The following CABP1 variants were observed in gnomAD, a reference collection of about 807,000 sequenced individuals.
CABP1 encodes calcium-binding protein 1.
CABP1 carries 17 observed loss-of-function variants against 34.3 expected under a neutral mutation model. The ratio of observed to expected loss-of-function variants is 0.50; its 90% CI spans 0.34 to 0.74. CABP1 has a LOEUF of 0.74. CABP1 is among the 30% of genes least tolerant of loss of function. CABP1 has a pLI of 0.01. For synonymous variants in CABP1, 198 were observed against 229.2 expected (o/e 0.86, Z 1.23); for missense variants, 373 against 511.1 (o/e 0.73, Z 2.61).
chr12:120,654,686 AGAGTGCAGGCCGAAGG>A (rs1880060304), intron 1 of CABP1, among the ~76,000 whole-genome samples: 3 of 151,430 alleles, frequency 2.0e-5, no homozygotes, highest in Admixed American at 2.0e-4. Flanking sequence ...GGCCGAAGGC[AGAGTGCAGGCCGAAGG>A]CAGAGTGCAG....
At position 120,641,268 on chromosome 12, in the gene CABP1, C is replaced by G; in HGVS notation, c.583C>G (p.Pro195Ala). ...LRARGRGDSVPAAASEADPFL... is the reference protein window; with the variant it reads ...LRARGRGDSVAAAASEADPFL... ...AGCCCGGGGCCGCGGGGACTCCGTT[C>G]CAGCCGCCGCGTCCGAGGCGGACCC... Residue 195 changes from proline to alanine, a missense_variant, in exon 1 of 6, where the codon CCA becomes GCA. This residue lies in a region of CABP1 where 121 missense variants were observed against 125.5 expected (regional missense o/e 0.96). Coordinates refer to ENST00000316803, the MANE Select transcript of CABP1 (RefSeq NM_001033677.2). The surrounding 1 kb of genome is among the most constrained non-coding windows in gnomAD (Gnocchi z 6.7). 7.7e-7 allele frequency: 1 copy of G among 1,304,924 alleles called. No individual in the cohort carries two copies. Among genetic ancestry groups the G allele is most frequent in the Non-Finnish European group, 9.7e-7 (1 of 1,029,326 alleles). The allele number at this position is 1,304,924 out of a possible 1,614,324, so 80.8% of individuals were successfully genotyped here. A position where few individuals can be genotyped will look rare whatever the true frequency, so the allele number is the denominator to read the frequency against.
In CABP1 at chr12:120,640,655, C is replaced by T; in HGVS notation, c.-31C>T. ...CTGCACCGCCAGCCGCCGGGAGCTCCGGGCTCCGGGCGTAGAGGCTGCGCT... is the reference window on the plus strand; with the variant it reads ...CTGCACCGCCAGCCGCCGGGAGCTCTGGGCTCCGGGCGTAGAGGCTGCGCT... On this transcript the variant is annotated 5_prime_UTR_variant, in exon 1 of 6. Coordinates refer to ENST00000316803, the MANE Select transcript of CABP1 (RefSeq NM_001033677.2). This position sits in a 1 kb window ranked among gnomAD's most constrained non-coding sequence, Gnocchi z 6.2. The T allele has an allele frequency of 9.4e-7, 1 of 1,063,238 alleles. No individual in the cohort carries two copies. Among genetic ancestry groups the T allele is most frequent in the Non-Finnish European group, 1.1e-6 (1 of 881,728 alleles). The allele number at this position is 1,063,238 out of a possible 1,614,324, so 65.9% of individuals were successfully genotyped here.
intron 1 of CABP1, among the ~76,000 whole-genome samples, chr12:120,651,645 G>T (rs1246427448): frequency 6.6e-6 from 1 of 152,120 alleles, no homozygotes; most frequent in Non-Finnish European, 1.5e-5. Flanking sequence ...GTGAGCTATT[G>T]GCGTCTGTAT....
At chr12:120,679,282 A>G in the CABP1 span, among the ~76,000 whole-genome samples, 3 of 152,182 alleles carry the variant, frequency 2.0e-5, no homozygotes, top group African/African-American at 7.2e-5. Context: ...TTTGCTACAT[A>G]GCCAGGCTCA....
In CABP1 at chr12:120,641,111, C is replaced by A; in HGVS notation, c.426C>A (p.His142Gln). Residue 142 changes from histidine to glutamine, a missense_variant, in exon 1 of 6, where the codon CAC (histidine) becomes CAA (glutamine). Transcript: ENST00000316803. The surrounding 1 kb of genome is among the most constrained non-coding windows in gnomAD (Gnocchi z 6.7). ...RGSQRVLPQAHCRPREALPAA... is the reference protein window; with the variant it reads ...RGSQRVLPQAQCRPREALPAA... The stretch of plus-strand genomic sequence containing the variant: ...GCCAGCGTGTGCTCCCCCAGGCGCA[C>A]TGCAGGCCCCGGGAGGCGCTGCCGG... 8.2e-7 allele frequency: 1 copy of A among 1,222,924 alleles called. No individual in the cohort carries two copies. Among genetic ancestry groups the A allele is most frequent in the Non-Finnish European group, 1.0e-6 (1 of 983,724 alleles). The allele number at this position is 1,222,924 out of a possible 1,614,324, so 75.8% of individuals were successfully genotyped here.
downstream of CABP1, among the ~76,000 whole-genome samples, chr12:120,669,679 G>A (rs1000059539): frequency 2.0e-5 from 3 of 151,958 alleles, no homozygotes; most frequent in Non-Finnish European, 2.9e-5. Context: ...GCTTGAACAC[G>A]AGAGGCGGAG....
At chr12:120,672,013 A>G (rs1881265951), downstream of CABP1, among the ~76,000 whole-genome samples, 1 of 152,122 alleles carries the variant, frequency 6.6e-6, no homozygotes. Flanking sequence ...GTCTGCAGTG[A>G]GCTATGATCA....
intron 1 of CABP1, among the ~76,000 whole-genome samples, chr12:120,648,277 TA>T (rs1183885219): frequency 1.3e-5 from 2 of 152,216 alleles, no homozygotes; most frequent in African/African-American, 4.8e-5. Context: ...TCATAGCATT[TA>T]TCTGAAATGT....
Position 120,660,690 on chromosome 12 carries a change from G to A in CABP1, c.830-41G>A. On this transcript the variant is annotated intron_variant, in intron 3 of 5. Transcript: ENST00000316803. This position sits in a 1 kb window ranked among gnomAD's most constrained non-coding sequence, Gnocchi z 5.0. ...AGTTGTCTAGTTGGAGACAGGGAATGGGTATGTCGGGGATGACCTAGCCCT... is the reference window on the plus strand; with the variant it reads ...AGTTGTCTAGTTGGAGACAGGGAATAGGTATGTCGGGGATGACCTAGCCCT... 2 of 1,332,398 alleles carry A rather than the reference G, an allele frequency of 1.5e-6. No individual in the cohort carries two copies. The highest frequency in any genetic ancestry group is 2.2e-6 in the Non-Finnish European group (2 of 923,438). The allele number at this position is 1,332,398 out of a possible 1,614,324, so 82.5% of individuals were successfully genotyped here.
rs952739976 is a variant in CABP1 at position 120,664,891 on chromosome 12, AAG to A, written c.1088-1970_1088-1969del. On this transcript the variant is annotated intron_variant, in intron 5 of 5. Coordinates refer to ENST00000316803, the MANE Select transcript of CABP1 (RefSeq NM_001033677.2). ...CTCTGTCTCAAAAAGAAAAAAAAAA[AAG>A]AGAGAGAGAGAGATGAGCTATCTAG... 2.6e-5 allele frequency among the ~76,000 whole-genome samples: 4 copies of A among 151,326 alleles called. No individual in the cohort carries two copies. In the South Asian group the frequency reaches 8.4e-4, roughly 32 times the overall value.
At chr12:120,655,749 A>C in intron 1 of CABP1, 3 of 1,468,910 alleles carry the variant, frequency 2.0e-6, no homozygotes, top group Non-Finnish European at 2.7e-6. Context: ...ATTGGTGAGA[A>C]TAGAAGCCCC....
At chr12:120,675,647 T>C in the CABP1 span, among the ~76,000 whole-genome samples, 1 of 152,262 alleles carries the variant, frequency 6.6e-6, no homozygotes, top group South Asian at 2.1e-4. Context: ...ATATTTATTG[T>C]ACGACAATAT....
chr12:120,666,017 CAA>C (rs576836817), intron 5 of CABP1, among the ~76,000 whole-genome samples: 18 of 91,944 alleles, frequency 2.0e-4, no homozygotes, highest in African/African-American at 1.2e-4. Flanking sequence ...GACTCTGTCT[CAA>C]AAAAAAAAAA....
chr12:120,653,391 G>T (rs1420134245), intron 1 of CABP1, among the ~76,000 whole-genome samples: 5 of 152,242 alleles, frequency 3.3e-5, no homozygotes, highest in African/African-American at 1.2e-4. Context: ...GGAGAAGGAA[G>T]CTGGAGCACA....
intron 1 of CABP1, among the ~76,000 whole-genome samples, chr12:120,652,772 C>G (rs1879928494): frequency 6.6e-6 from 1 of 152,114 alleles, no homozygotes; most frequent in African/African-American, 2.4e-5. Flanking sequence ...TGTGCATACT[C>G]TTGGCCAGCT....
chr12:120,641,432 G>C lies in CABP1; in HGVS notation c.654+93G>C. ...CGTCCACAGCCTCCTCCCGCGGCCC[G>C]TGGTCCCCCACGGATCACGCCTCGG... is the stretch of plus-strand genomic sequence containing the variant. On this transcript the variant is annotated intron_variant, in intron 1 of 5. Transcript: ENST00000316803. The surrounding 1 kb of genome is among the most constrained non-coding windows in gnomAD (Gnocchi z 6.7). The C allele has an allele frequency of 8.3e-7, 1 of 1,207,294 alleles. No individual in the cohort carries two copies. The highest frequency in any genetic ancestry group is 4.3e-5 in the Admixed American group (1 of 23,516). The allele number at this position is 1,207,294 out of a possible 1,614,324, so 74.8% of individuals were successfully genotyped here.
At chr12:120,650,409 A>G in intron 1 of CABP1, 4 of 1,253,660 alleles carry the variant, frequency 3.2e-6, no homozygotes, top group Non-Finnish European at 4.2e-6. Flanking sequence ...TTAAACCCAC[A>G]CACAAACACA....
At position 120,641,899 on chromosome 12, in the gene CABP1, G is replaced by A. The variant is rs1879349297; in HGVS notation, c.654+560G>A. 6.6e-6 allele frequency among the ~76,000 whole-genome samples: 1 copy of A among 152,148 alleles called. No homozygotes were observed. The highest frequency in any genetic ancestry group is 6.5e-5 in the Admixed American group (1 of 15,274). ...GAGAAGAGGTGTCTGGGTAGGCATG[G>A]AGGGGCATGCAGAGCTGTGGCTCAA... On this transcript the variant is annotated intron_variant, in intron 1 of 5. Coordinates refer to ENST00000316803, the MANE Select transcript of CABP1 (RefSeq NM_001033677.2). The surrounding 1 kb of genome is among the most constrained non-coding windows in gnomAD (Gnocchi z 6.7).
intron 1 of CABP1, among the ~76,000 whole-genome samples, chr12:120,654,435 G>C (rs1880035432): frequency 6.6e-6 from 1 of 152,128 alleles, no homozygotes; most frequent in African/African-American, 2.4e-5. Flanking sequence ...GGCTGCCCCT[G>C]GGTCTTGGGA....
Sources: gnomAD v4.1 joint callset for allele counts (sites outside exome capture counted in the v4.1 genomes callset) on GRCh38, gnomAD v4.1.1 for gene constraint, gnomAD v4.1.1 regional missense constraint, Gnocchi (gnomAD v3.1) non-coding constraint, MANE v1.5 for transcripts, NCBI Gene and HGNC (gene_info 2026-07-23, HGNC 2026-07-21) for gene names.